Variants in ADAMTS9 observed in about 807,000 individuals in gnomAD.
The protein encoded by ADAMTS9 is A disintegrin and metalloproteinase with thrombospondin motifs 9.
In ADAMTS9, 107 loss-of-function variants were observed where a neutral mutation model predicts 257.1. The observed-to-expected ratio is 0.42, with a 90% CI of 0.36 to 0.49. The LOEUF (loss-of-function observed/expected upper bound fraction) is 0.49, where lower values mean the gene tolerates loss of function less well. Among genes scored for constraint, ADAMTS9 ranks in the 20% least tolerant of loss-of-function variants. The pLI is 0.03. For synonymous variants in ADAMTS9, 982 were observed against 880.9 expected (o/e 1.11, Z -2.03); for missense variants, 2,353 against 2,469.1 (o/e 0.95, Z 1.00).
intron 30 of ADAMTS9, among the ~76,000 whole-genome samples, chr3:64,560,864 C>A (rs913101217): frequency 6.6e-6 from 1 of 152,064 alleles, no homozygotes; most frequent in Non-Finnish European, 1.5e-5. Flanking sequence ...GTTTTGCTTT[C>A]TAATTCTTTC....
At chr3:64,615,773 C>G (rs1278751413) in intron 20 of ADAMTS9, among the ~76,000 whole-genome samples, 187 bp downstream of exon 20, 1 of 152,176 alleles carries the variant, frequency 6.6e-6, no homozygotes, top group Non-Finnish European at 1.5e-5. Context: ...ACACGTCATG[C>G]CCATGTCAGA....
Position 64,616,158 on chromosome 3 carries a change from G to A in ADAMTS9, c.2826C>T (p.Ala942=), listed in dbSNP as rs1244825742. Residue 942 remains alanine (A), a synonymous_variant, in exon 20 of 40, where the codon GCC becomes GCT. Coordinates refer to ENST00000498707, the MANE Select transcript of ADAMTS9 (RefSeq NM_182920.2). ...ACTGGGCACTACATTCACTCCTGCT[G>A]GCAACATGCCACCTATGCAAAAATA... ...GTDCDLRWHV[A]SRSECSAQCG... 3 of 1,613,866 alleles carry A rather than the reference G, an allele frequency of 1.9e-6. No homozygotes were observed. The highest frequency in any genetic ancestry group is 1.7e-5 in the Admixed American group (1 of 59,984).
chr3:64,537,022 C>T (rs768260), intron 37 of ADAMTS9, among the ~76,000 whole-genome samples: 96,449 of 152,106 alleles, frequency 0.63, 35,428 homozygotes, highest in Non-Finnish European at 0.85. Context: ...TCCACAATCA[C>T]GCTTTCTACA....
At position 64,658,799 on chromosome 3, in the gene ADAMTS9, A is replaced by C; in HGVS notation, c.680-8T>G. 1 of 1,608,950 alleles carries C rather than the reference A, an allele frequency of 6.2e-7. No homozygotes were observed. Among genetic ancestry groups the C allele is most frequent in the Middle Eastern group, 1.7e-4 (1 of 6,024 alleles). On this transcript the variant is annotated splice_polypyrimidine_tract_variant and splice_region_variant and intron_variant, in intron 3 of 39. Coordinates refer to ENST00000498707, the MANE Select transcript of ADAMTS9 (RefSeq NM_182920.2). Reference sequence around the variant, plus strand: ...TGTGCCTATTTTTGTGTTCTGTAACAAATCAGATGGTATGCATTACATTTC... The same window carrying C: ...TGTGCCTATTTTTGTGTTCTGTAACCAATCAGATGGTATGCATTACATTTC...
chr3:64,518,956 A>G (rs1048456841), intron 39 of ADAMTS9, among the ~76,000 whole-genome samples: 2 of 151,664 alleles, frequency 1.3e-5, no homozygotes, highest in African/African-American at 4.8e-5. Context: ...TTTTGAATTT[A>G]TAGTAGAGAT....
rs886458104 is a variant in ADAMTS9 at position 64,528,595 on chromosome 3, C to T, written c.5718+4571G>A. ...GTGGCAGCCATGTGGACAGGCTAAGCCCGGGCTTACACTGCAGTTCGATGT... is the reference window on the plus strand; with the variant it reads ...GTGGCAGCCATGTGGACAGGCTAAGTCCGGGCTTACACTGCAGTTCGATGT... On this transcript the variant is annotated intron_variant, in intron 38 of 39. Transcript: ENST00000498707. Among the ~76,000 whole-genome samples, 4 of 152,130 alleles carry T rather than the reference C, an allele frequency of 2.6e-5. 1 individual carries two copies. The highest frequency in any genetic ancestry group is 9.7e-5 in the African/African-American group (4 of 41,426).
At chr3:64,523,970 C>A (rs138253928) in intron 38 of ADAMTS9, among the ~76,000 whole-genome samples, 10 of 152,204 alleles carry the variant, frequency 6.6e-5, no homozygotes, top group African/African-American at 2.4e-4. Flanking sequence ...ATGGATTGTA[C>A]CTAAAATTAC....
chr3:64,634,145 G>T (rs1700437461), intron 12 of ADAMTS9, among the ~76,000 whole-genome samples: 2 of 152,056 alleles, frequency 1.3e-5, no homozygotes, highest in South Asian at 4.1e-4. Flanking sequence ...GCTGTTGTGA[G>T]AATAAATGTT....
chr3:64,574,594 A>T (rs1377496851), intron 28 of ADAMTS9, among the ~76,000 whole-genome samples: 1 of 149,906 alleles, frequency 6.7e-6, no homozygotes, highest in East Asian at 2.0e-4. Flanking sequence ...TTAGCTGGGC[A>T]TGGTGATGCA....
intron 10 of ADAMTS9, among the ~76,000 whole-genome samples, chr3:64,649,418 C>G (rs1401574752): frequency 6.6e-6 from 1 of 152,134 alleles, no homozygotes; most frequent in African/African-American, 2.4e-5. Context: ...TTTGGACTGT[C>G]ACGAGGATGA....
chr3:64,546,087 C>G (rs954214571), intron 32 of ADAMTS9, among the ~76,000 whole-genome samples: 1 of 152,174 alleles, frequency 6.6e-6, no homozygotes, highest in Non-Finnish European at 1.5e-5. Flanking sequence ...CCTTCTGTAA[C>G]TCTTATGAGT....
At chr3:64,619,767 G>A (rs1406336257) in intron 19 of ADAMTS9, among the ~76,000 whole-genome samples, 2 of 152,032 alleles carry the variant, frequency 1.3e-5, no homozygotes, top group East Asian at 3.9e-4. Flanking sequence ...TTGATATAAG[G>A]CTACCCAGAA....
At chr3:64,535,552 CTTTT>C (rs57945713) in intron 37 of ADAMTS9, among the ~76,000 whole-genome samples, 4 of 84,658 alleles carry the variant, frequency 4.7e-5, no homozygotes, top group Non-Finnish European at 1.1e-4. Context: ...CTTTTCTTTT[CTTTT>C]TTTTTTTTTT....
At chr3:64,681,570 TTTA>T (rs1559825988) in intron 2 of ADAMTS9, among the ~76,000 whole-genome samples, 2 of 152,298 alleles carry the variant, frequency 1.3e-5, no homozygotes, top group African/African-American at 2.4e-5. Context: ...CTAAAAATTA[TTTA>T]TTATTTACTA....
chr3:64,679,574 C>T (rs541636456), intron 3 of ADAMTS9, among the ~76,000 whole-genome samples: 21 of 152,112 alleles, frequency 1.4e-4, no homozygotes, highest in Non-Finnish European at 2.2e-4. Context: ...GACCTGTAGC[C>T]GCTTTAGGGG....
At chr3:64,532,366 T>C (rs1031901388) in intron 38 of ADAMTS9, among the ~76,000 whole-genome samples, 1 of 152,250 alleles carries the variant, frequency 6.6e-6, no homozygotes, top group African/African-American at 2.4e-5. Context: ...ATATTTTGTG[T>C]AATTGATTGA....
In ADAMTS9 at chr3:64,667,416, C is replaced by G. The variant is rs144883212; in HGVS notation, c.680-8625G>C. Among the ~76,000 whole-genome samples, 646 of 152,304 alleles carry G rather than the reference C, an allele frequency of 4.2e-3. 12 individuals are homozygous for G. The highest frequency in any genetic ancestry group is 0.014 in the African/African-American group (592 of 41,564). On this transcript the variant is annotated intron_variant, in intron 3 of 39. Coordinates refer to ENST00000498707, the MANE Select transcript of ADAMTS9 (RefSeq NM_182920.2). The stretch of plus-strand genomic sequence containing the variant: ...AGGCAAGTGATGGGGACAGCACCAT[C>G]ACTAGAACTATAACAAGACGCAGGT...
chr3:64,566,683 G>C (rs899991331), intron 29 of ADAMTS9, among the ~76,000 whole-genome samples: 1 of 151,926 alleles, frequency 6.6e-6, no homozygotes, highest in African/African-American at 2.4e-5. Flanking sequence ...TTTAACATGA[G>C]CATCATTTAT....
rs73122255 is a variant in ADAMTS9 at position 64,620,666 on chromosome 3, G to A, written c.2813+448C>T. Among the ~76,000 whole-genome samples the A allele has an allele frequency of 3.2e-3, 487 of 152,066 alleles. 2 individuals are homozygous for A. Among genetic ancestry groups the A allele is most frequent in the South Asian group, 0.019 (90 of 4,792 alleles). ...ATTTTCTTCTTGTTTCTTCCATGAC[G>A]CTACCTTAGTGTACTGCAACTTTCA... On this transcript the variant is annotated intron_variant, in intron 19 of 39. Transcript: ENST00000498707.
Sources: gnomAD v4.1 joint callset for allele counts (sites outside exome capture counted in the v4.1 genomes callset) on GRCh38, gnomAD v4.1.1 for gene constraint, MANE v1.5 for transcripts, NCBI Gene and HGNC (gene_info 2026-07-23, HGNC 2026-07-21) for gene names.